Variants in CLECL1 observed in about 807,000 individuals in gnomAD.
CLECL1 encodes C-type lectin-like domain family 1.
downstream of CLECL1, among the ~76,000 whole-genome samples, chr12:9,714,072 A>C (rs777416566): frequency 2.6e-4 from 39 of 152,358 alleles, no homozygotes; most frequent in Non-Finnish European, 4.7e-4. Flanking sequence ...ATTTCTTCAT[A>C]AGAGTCTCTT....
chr12:9,702,575 A>G, the CLECL1 span, among the ~76,000 whole-genome samples: 2 of 152,286 alleles, frequency 1.3e-5, no homozygotes, highest in East Asian at 3.9e-4. Context: ...TGCTTGGGAC[A>G]GCCCTCTTCT....
rs756393100 is a variant in CLECL1, at chr12:9,732,952, A to T, written n.79T>A. ...AGGCACCCTAAATCCAGCTTACCAG[A>T]TCTCTGAAGTGGAAACGCGAGTTCT... is the stretch of plus-strand genomic sequence containing the variant. On this transcript the variant is annotated non_coding_transcript_exon_variant, in exon 1 of 4. Coordinates refer to ENST00000621400, the Ensembl canonical transcript of CLECL1. 30 of 1,597,496 alleles carry T rather than the reference A, an allele frequency of 1.9e-5. 2 individuals carry two copies. In the South Asian group the frequency reaches 3.4e-4, roughly 18 times the overall value.
intron 3 of CLECL1, among the ~76,000 whole-genome samples, chr12:9,724,878 T>C (rs1442585658): frequency 6.6e-6 from 1 of 152,170 alleles, no homozygotes; most frequent in African/African-American, 2.4e-5. Context: ...GAAATTCATA[T>C]GTATGAATAA....
At chr12:9,709,121 T>C in the CLECL1 span, 1 of 156,376 alleles carries the variant, frequency 6.4e-6, no homozygotes, top group African/African-American at 2.4e-5. Context: ...AGGCCACATA[T>C]ATGCAGGCTT....
chr12:9,707,711 T>C, the CLECL1 span, among the ~76,000 whole-genome samples: 1 of 152,216 alleles, frequency 6.6e-6, no homozygotes, highest in African/African-American at 2.4e-5. Flanking sequence ...AGAAGTTGAG[T>C]ATGAGCAAAT....
chr12:9,720,049 T>C (rs1866290290), downstream of CLECL1, among the ~76,000 whole-genome samples: 1 of 152,226 alleles, frequency 6.6e-6, no homozygotes, highest in Non-Finnish European at 1.5e-5. Context: ...GTTCTCACTA[T>C]GACTCAGTCT....
intron 1 of CLECL1, among the ~76,000 whole-genome samples, chr12:9,730,486 G>C (rs1246600621): frequency 6.6e-6 from 1 of 152,106 alleles, no homozygotes; most frequent in Non-Finnish European, 1.5e-5. Flanking sequence ...TTATTTGGTA[G>C]ATTATTATTG....
chr12:9,706,566 G>C, the CLECL1 span, among the ~76,000 whole-genome samples: 5 of 152,174 alleles, frequency 3.3e-5, no homozygotes, highest in East Asian at 7.7e-4. Flanking sequence ...TAACATGAAG[G>C]GATATTGAAT....
At chr12:9,705,805 G>A in the CLECL1 span, among the ~76,000 whole-genome samples, 1 of 152,196 alleles carries the variant, frequency 6.6e-6, no homozygotes, top group East Asian at 1.9e-4. Context: ...CTGTAGCCTT[G>A]TAGTATAGTT....
the CLECL1 span, chr12:9,704,083 A>G: frequency 2.0e-5 from 3 of 152,218 alleles, no homozygotes; most frequent in Non-Finnish European, 2.9e-5. Context: ...TTTATTTTCA[A>G]TGATGAATCA....
intron 2 of CLECL1, among the ~76,000 whole-genome samples, chr12:9,729,050 C>T (rs1866414402): frequency 6.6e-6 from 1 of 151,922 alleles, no homozygotes; most frequent in Non-Finnish European, 1.5e-5. Flanking sequence ...AACTTTTCCC[C>T]AAGCGTTTAT....
chr12:9,723,076 T>C (rs1866334186), intron 3 of CLECL1, among the ~76,000 whole-genome samples: 1 of 152,172 alleles, frequency 6.6e-6, no homozygotes, highest in African/African-American at 2.4e-5. Flanking sequence ...AGCCAGGAAA[T>C]GCACCAGACA....
chr12:9,718,609 A>T, downstream of CLECL1: 1 of 606,748 alleles, frequency 1.6e-6, no homozygotes, highest in African/African-American at 1.9e-5. Flanking sequence ...CTGTATATGG[A>T]GACACAACCT....
downstream of CLECL1, chr12:9,722,414 G>A (rs755579236): frequency 5.4e-5 from 39 of 724,322 alleles, no homozygotes; most frequent in South Asian, 6.4e-4. Flanking sequence ...ATGGTCCCTT[G>A]GAGAGAAGAG....
At chr12:9,711,798 C>A (rs536273388), downstream of CLECL1, among the ~76,000 whole-genome samples, 1 of 152,102 alleles carries the variant, frequency 6.6e-6, no homozygotes, top group Non-Finnish European at 1.5e-5. Context: ...GGGCTGCTTA[C>A]AATCACATTT....
At chr12:9,726,001 A>G (rs1427252565) in intron 3 of CLECL1, among the ~76,000 whole-genome samples, 1 of 152,040 alleles carries the variant, frequency 6.6e-6, no homozygotes, top group Non-Finnish European at 1.5e-5. Context: ...AGACATCCAA[A>G]TCATTAGCTA....
chr12:9,714,491 C>G (rs1277919588), downstream of CLECL1, among the ~76,000 whole-genome samples: 1 of 152,172 alleles, frequency 6.6e-6, no homozygotes, highest in East Asian at 1.9e-4. Context: ...GCCTAAACAG[C>G]CTGCAGCTTT....
chr12:9,710,960 A>T (rs1866194822), downstream of CLECL1, among the ~76,000 whole-genome samples: 1 of 152,200 alleles, frequency 6.6e-6, no homozygotes, highest in African/African-American at 2.4e-5. Context: ...CAAGGCAAGA[A>T]CCTCAGGATA....
downstream of CLECL1, chr12:9,722,452 C>A (rs2121048535): frequency 1.8e-6 from 2 of 1,101,892 alleles, no homozygotes; most frequent in Non-Finnish European, 2.4e-6. Context: ...AATGAATTTC[C>A]CCTCCTCCTA....
Sources: allele counts gnomAD v4.1 joint callset (sites outside exome capture counted in the v4.1 genomes callset), GRCh38; gene constraint gnomAD v4.1.1; transcripts MANE v1.5; gene names NCBI Gene and HGNC (gene_info 2026-07-23, HGNC 2026-07-21).